The following VCF1 variants were observed in gnomAD, a reference collection of about 807,000 sequenced individuals.
VCF1 encodes VCP nuclear cofactor family member 1, also known as protein VCF1.
chr17:73,228,469 T>C, the VCF1 span, among the ~76,000 whole-genome samples: 1 of 152,248 alleles, frequency 6.6e-6, no homozygotes, highest in Non-Finnish European at 1.5e-5. Flanking sequence ...AGCTCACTTC[T>C]CTGTACTCTG....
At chr17:73,208,037 C>T in the VCF1 span, 4 of 1,350,654 alleles carry the variant, frequency 3.0e-6, no homozygotes, top group South Asian at 1.5e-5. Flanking sequence ...TTCAGTTCTG[C>T]CCACATTAGG....
the VCF1 span, chr17:73,207,936 A>T: frequency 7.1e-6 from 5 of 708,788 alleles, no homozygotes; most frequent in African/African-American, 3.8e-5. Context: ...TGGTAGTTTA[A>T]AAAAAAAAAA....
At chr17:73,223,416 C>T in the VCF1 span, among the ~76,000 whole-genome samples, 1 of 152,274 alleles carries the variant, frequency 6.6e-6, no homozygotes, top group African/African-American at 2.4e-5. Flanking sequence ...TATAACTAAT[C>T]CGGCAAATCA....
At chr17:73,218,443 G>A in the VCF1 span, among the ~76,000 whole-genome samples, 1 of 151,770 alleles carries the variant, frequency 6.6e-6, no homozygotes, top group South Asian at 2.1e-4. Flanking sequence ...TGTGTTTAAA[G>A]TTCCTTCTGA....
At chr17:73,225,063 T>G in the VCF1 span, among the ~76,000 whole-genome samples, 7 of 54,098 alleles carry the variant, frequency 1.3e-4, no homozygotes, top group African/African-American at 4.5e-4. Flanking sequence ...GCTATTCTGG[T>G]CAATGTTCAG....
the VCF1 span, among the ~76,000 whole-genome samples, chr17:73,215,742 C>T: frequency 6.6e-6 from 1 of 152,312 alleles, no homozygotes; most frequent in South Asian, 2.1e-4. Flanking sequence ...TAAATATTTA[C>T]TGAGCTGAAT....
the VCF1 span, among the ~76,000 whole-genome samples, chr17:73,231,285 T>C: frequency 6.6e-6 from 1 of 152,216 alleles, no homozygotes; most frequent in East Asian, 1.9e-4. Flanking sequence ...TGAGGTAACC[T>C]TTCCCAACTT....
chr17:73,226,329 T>TG, the VCF1 span, among the ~76,000 whole-genome samples: 3 of 152,356 alleles, frequency 2.0e-5, no homozygotes, highest in African/African-American at 7.2e-5. Context: ...TTTTCCCCCT[T>TG]GGGGGAGTTA....
the VCF1 span, among the ~76,000 whole-genome samples, chr17:73,224,712 G>C: frequency 6.6e-6 from 1 of 152,030 alleles, no homozygotes; most frequent in Non-Finnish European, 1.5e-5. Context: ...CATTATTTGG[G>C]GCTTAACTTT....
the VCF1 span, among the ~76,000 whole-genome samples, chr17:73,212,055 G>C: frequency 5.1e-4 from 77 of 152,082 alleles, no homozygotes; most frequent in Non-Finnish European, 1.5e-4. Context: ...TGGAAAGAAA[G>C]AACGAAATCA....
At chr17:73,213,522 T>C in the VCF1 span, among the ~76,000 whole-genome samples, 88,131 of 152,082 alleles carry the variant, frequency 0.58, 25,709 homozygotes, top group Non-Finnish European at 0.62. Flanking sequence ...TTCATACATA[T>C]ATTTATATAC....
the VCF1 span, among the ~76,000 whole-genome samples, chr17:73,231,284 C>T: frequency 1.3e-5 from 2 of 152,132 alleles, no homozygotes; most frequent in Non-Finnish European, 2.9e-5. Flanking sequence ...CTGAGGTAAC[C>T]TTTCCCAACT....
chr17:73,231,543 A>G, the VCF1 span, among the ~76,000 whole-genome samples: 1 of 152,210 alleles, frequency 6.6e-6, no homozygotes, highest in Non-Finnish European at 1.5e-5. Context: ...GCCACAGTCA[A>G]GAGAAGATCC....
the VCF1 span, chr17:73,209,519 T>C: frequency 6.3e-7 from 1 of 1,575,322 alleles, no homozygotes; most frequent in Non-Finnish European, 8.6e-7. Flanking sequence ...GGCAAGAAAC[T>C]GCCGGCACAT....
the VCF1 span, among the ~76,000 whole-genome samples, chr17:73,218,549 A>G: frequency 2.0e-5 from 3 of 152,210 alleles, no homozygotes; most frequent in South Asian, 2.1e-4. Flanking sequence ...GTGTATGTGT[A>G]TATCTTCAGT....
the VCF1 span, among the ~76,000 whole-genome samples, chr17:73,224,638 A>G: frequency 6.6e-6 from 1 of 152,236 alleles, no homozygotes; most frequent in Non-Finnish European, 1.5e-5. Context: ...AAACCAGCCA[A>G]ATGTCCCTAA....
At chr17:73,216,868 C>T in the VCF1 span, among the ~76,000 whole-genome samples, 1 of 152,180 alleles carries the variant, frequency 6.6e-6, no homozygotes, top group African/African-American at 2.4e-5. Flanking sequence ...TAAGAGACAA[C>T]TCACTTATAC....
chr17:73,213,240 C>T, the VCF1 span, among the ~76,000 whole-genome samples: 7 of 88,684 alleles, frequency 7.9e-5, no homozygotes, highest in Non-Finnish European at 1.5e-4. Flanking sequence ...AAGACTGTCT[C>T]AAAAGAAAAA....
At chr17:73,216,992 A>G in the VCF1 span, among the ~76,000 whole-genome samples, 2 of 152,174 alleles carry the variant, frequency 1.3e-5, no homozygotes, top group Admixed American at 6.5e-5. Flanking sequence ...ATAAAAAGAG[A>G]GCTATGTGTA....
Sources: gnomAD v4.1 joint callset for allele counts (sites outside exome capture counted in the v4.1 genomes callset) on GRCh38, gnomAD v4.1.1 for gene constraint, MANE v1.5 for transcripts, NCBI Gene and HGNC (gene_info 2026-07-23, HGNC 2026-07-21) for gene names.